SLC11A1: variants seen among roughly 807,000 people sequenced by gnomAD.
SLC11A1 encodes natural resistance-associated macrophage protein 1.
In SLC11A1, 59 loss-of-function variants were observed where a neutral mutation model predicts 63.2. That is an observed-to-expected ratio of 0.93 (90% CI 0.76 to 1.16). The LOEUF is 1.16. Among genes scored for constraint, SLC11A1 ranks in the 50% most tolerant of loss-of-function variants. The probability of loss-of-function intolerance (pLI) is 0.00; values close to 1 mark genes in which losing one functional copy is unlikely to be tolerated. For missense variants in SLC11A1, 688 were observed against 730.7 expected (o/e 0.94, Z 0.67); for synonymous variants, 305 against 307.8 (o/e 0.99, Z 0.09).
At chr2:218,387,379 C>G in intron 6 of SLC11A1, 149 bp downstream of exon 6, 1 of 984,584 alleles carries the variant, frequency 1.0e-6, no homozygotes, top group South Asian at 1.5e-5. Flanking sequence ...ACGTGCCTCT[C>G]TTCACCTGTA....
chr2:218,387,011 C>A, intron 5 of SLC11A1, 149 bp from the exon 6 acceptor site: 1 of 749,558 alleles, frequency 1.3e-6, no homozygotes, highest in Non-Finnish European at 2.3e-6. Context: ...CTGTTCTATG[C>A]CACACTCCCA....
intron 1 of SLC11A1, 96 bp from the exon 2 acceptor site, chr2:218,382,864 A>G: frequency 6.6e-7 from 1 of 1,524,822 alleles, no homozygotes; most frequent in Admixed American, 1.8e-5. Context: ...TAGTTTCTCC[A>G]CTTTTCCGGG....
chr2:218,394,290 T>C, intron 13 of SLC11A1, 97 bp downstream of exon 13: 2 of 1,282,324 alleles, frequency 1.6e-6, no homozygotes, highest in Non-Finnish European at 2.2e-6. Flanking sequence ...ATTATCCCAA[T>C]GAAGCCACAG....
At position 218,384,312 on chromosome 2, in the gene SLC11A1, G is replaced by C. The variant is rs778334000; in HGVS notation, c.220G>C (p.Asp74His). Residue 74 changes from aspartate to histidine, a missense_variant, in exon 3 of 15, where the codon GAC becomes CAC. Asp to His is a moderately conservative substitution (Grantham distance 81, BLOSUM62 -1). Transcript: ENST00000233202. This position sits in a 1 kb window ranked among gnomAD's most constrained non-coding sequence, Gnocchi z 4.0. ...PGFLMSIAFL[D>H]PGNIESDLQA... ...CTTCCTCATGAGCATTGCTTTCCTGGACCCAGGAAACATCGAGTCAGATCT... is the reference window on the plus strand; with the variant it reads ...CTTCCTCATGAGCATTGCTTTCCTGCACCCAGGAAACATCGAGTCAGATCT... The C allele has an allele frequency of 1.2e-6, 2 of 1,608,782 alleles. No homozygotes were observed. Among genetic ancestry groups the C allele is most frequent in the South Asian group, 2.2e-5 (2 of 90,572 alleles).
At position 218,395,818 on chromosome 2, in the gene SLC11A1, AG is replaced by A. The variant is rs1276638693; in HGVS notation, c.*785del. On this transcript the variant is annotated 3_prime_UTR_variant, in exon 15 of 15. Transcript: ENST00000233202. ...AAGGAGCAGGGAATGGGAACCGGGA[AG>A]GCACGAAGTCTCTAAAGCATCCAGA... 2 of 152,362 alleles carry A rather than the reference AG, an allele frequency of 1.3e-5. No homozygotes were observed. Among genetic ancestry groups the A allele is most frequent in the South Asian group, 4.1e-4 (2 of 4,826 alleles). The allele number at this position is 152,362 out of a possible 1,614,324, so 9.4% of individuals were successfully genotyped here. A position where few individuals can be genotyped will look rare whatever the true frequency, so the allele number is the denominator to read the frequency against.
chr2:218,386,854 G>C, intron 5 of SLC11A1, 113 bp downstream of exon 5: 1 of 793,964 alleles, frequency 1.3e-6, no homozygotes, highest in South Asian at 1.5e-5. Flanking sequence ...CCCCTCTGAA[G>C]CAGGGCTGCT....
Position 218,387,181 on chromosome 2 carries a change from C to T in SLC11A1, c.522C>T (p.Val174=), listed in dbSNP as rs139234551. 495 of 1,614,166 alleles carry T rather than the reference C, an allele frequency of 3.1e-4. 1 individual carries two copies. The African/African-American group carries it at 5.9e-3, about 19-fold the overall frequency. The change falls in exon 6 of 15, where the codon GTC becomes GTT. Residue 174 remains valine (V), a synonymous_variant. Transcript: ENST00000233202. ...SAGRIPLWGG[V]LITIVDTFFF... ...TCAGAATCCCACTCTGGGGTGGCGT[C>T]CTCATCACCATCGTGGACACCTTCT...
intron 5 of SLC11A1, 126 bp downstream of exon 5, chr2:218,386,867 CCT>C (rs1465164864): frequency 8.0e-5 from 59 of 738,562 alleles, no homozygotes; most frequent in Admixed American, 5.5e-4. Flanking sequence ...GGGCTGCTGC[CCT>C]GTTTTCCAGA....
Position 218,387,090 on chromosome 2 carries a change from G to C in SLC11A1, c.501-70G>C, listed in dbSNP as rs1399908223. On this transcript the variant is annotated intron_variant, in intron 5 of 14. Transcript: ENST00000233202. Reference sequence around the variant, plus strand: ...CCAGGAGGCCAGATTCCTGTCTCCAGCCCTGAGGCTCCGTAGGAGTTAGAG... The same window carrying C: ...CCAGGAGGCCAGATTCCTGTCTCCACCCCTGAGGCTCCGTAGGAGTTAGAG... The C allele has an allele frequency of 2.1e-6, 3 of 1,428,676 alleles. No individual in the cohort carries two copies. In the East Asian group the frequency reaches 6.8e-5, roughly 32 times the overall value. 88.5% of individuals were successfully genotyped at this position (1,428,676 alleles called of 1,614,324 possible). A position where few individuals can be genotyped will look rare whatever the true frequency, so the allele number is the denominator to read the frequency against.
At position 218,395,196 on chromosome 2, in the gene SLC11A1, T is replaced by G; in HGVS notation, c.*161T>G. On this transcript the variant is annotated 3_prime_UTR_variant, in exon 15 of 15. Transcript: ENST00000233202. ...CTGTTTCCTAGCGCAGCCATGTGAT[T>G]ACCCTCTGGGTCTCAGTGTCCTCAT... The G allele has an allele frequency of 1.6e-6, 1 of 609,948 alleles. No individual in the cohort carries two copies. Among genetic ancestry groups the G allele is most frequent in the Non-Finnish European group, 2.9e-6 (1 of 342,972 alleles). The allele number at this position is 609,948 out of a possible 1,614,324, so 37.8% of individuals were successfully genotyped here. A position where few individuals can be genotyped will look rare whatever the true frequency, so the allele number is the denominator to read the frequency against.
rs763907402 is a variant in SLC11A1 at position 218,391,365 on chromosome 2, C to T, written c.1045-11C>T. ...GCAGGGCCACCGGTCCTACCACACT[C>T]GTCCCTGCAGGGCGTGATCCTGGGC... On this transcript the variant is annotated splice_polypyrimidine_tract_variant and intron_variant, in intron 10 of 14. Coordinates refer to ENST00000233202, the MANE Select transcript of SLC11A1 (RefSeq NM_000578.4). The T allele has an allele frequency of 1.1e-5, 17 of 1,613,830 alleles. No individual in the cohort carries two copies. In the East Asian group the frequency reaches 2.5e-4, roughly 23 times the overall value.
chr2:218,396,574 G>T lies in SLC11A1; in HGVS notation c.*1539G>T, dbSNP rs1484977456. 1 of 152,432 alleles carries T rather than the reference G, an allele frequency of 6.6e-6. No individual in the cohort carries two copies. Among genetic ancestry groups the T allele is most frequent in the African/African-American group, 2.4e-5 (1 of 41,466 alleles). The allele number at this position is 152,432 out of a possible 1,614,324, so 9.4% of individuals were successfully genotyped here. A position where few individuals can be genotyped will look rare whatever the true frequency, so the allele number is the denominator to read the frequency against. ...TTCTTAAAAGGGCAACGATGCGAGT[G>T]GGTCCCTCAAGGAGAGAAGAGATGG... is the stretch of plus-strand genomic sequence containing the variant. On this transcript the variant is annotated 3_prime_UTR_variant, in exon 15 of 15. Coordinates refer to ENST00000233202, the MANE Select transcript of SLC11A1 (RefSeq NM_000578.4).
rs758358977 is a variant in SLC11A1, at chr2:218,395,073, C to G, written c.*38C>G. ...GCCTGGCTGGGAGTGGCATGTATGA[C>G]GTGACTGGCCTGCTGGATGTGGAGG... On this transcript the variant is annotated 3_prime_UTR_variant, in exon 15 of 15. Transcript: ENST00000233202. The G allele has an allele frequency of 2.0e-6, 3 of 1,467,816 alleles. No homozygotes were observed. Among genetic ancestry groups the G allele is most frequent in the Non-Finnish European group, 2.8e-6 (3 of 1,071,626 alleles). 90.9% of individuals were successfully genotyped at this position (1,467,816 alleles called of 1,614,324 possible). A position where few individuals can be genotyped will look rare whatever the true frequency, so the allele number is the denominator to read the frequency against.
rs1483662245 is a variant in SLC11A1 at position 218,395,920 on chromosome 2, C to G, written c.*885C>G. The G allele has an allele frequency of 1.3e-5, 2 of 152,510 alleles. No homozygotes were observed. The highest frequency in any genetic ancestry group is 4.8e-5 in the African/African-American group (2 of 41,462). 9.4% of individuals were successfully genotyped at this position (152,510 alleles called of 1,614,324 possible). ...TTCCGCCTGCAACCCATTTTCCAGA[C>G]AGTAAAACGGCGGCGCACTTCTTTC... On this transcript the variant is annotated 3_prime_UTR_variant, in exon 15 of 15. Coordinates refer to ENST00000233202, the MANE Select transcript of SLC11A1 (RefSeq NM_000578.4).
chr2:218,386,653 T>C lies in SLC11A1; in HGVS notation c.412T>C (p.Trp138Arg). 2 of 1,613,918 alleles carry C rather than the reference T, an allele frequency of 1.2e-6. No homozygotes were observed. Among genetic ancestry groups the C allele is most frequent in the East Asian group, 4.5e-5 (2 of 44,866 alleles). Residue 138 changes from tryptophan to arginine, a missense_variant, in exon 5 of 15, where the codon TGG (tryptophan) becomes CGG (arginine). Coordinates refer to ENST00000233202, the MANE Select transcript of SLC11A1 (RefSeq NM_000578.4). ...CCCATAGGTGCCCCGCACCGTCCTC[T>C]GGCTGACCATCGAGCTAGCCATTGT... is the stretch of plus-strand genomic sequence containing the variant. ...YYPKVPRTVL[W>R]LTIELAIVGS...
chr2:218,393,016 T>C lies in SLC11A1; in HGVS notation c.1200T>C (p.Arg400=), dbSNP rs1481470917. The C allele has an allele frequency of 2.1e-5, 34 of 1,598,380 alleles. No homozygotes were observed. The highest frequency in any genetic ancestry group is 2.9e-5 in the Non-Finnish European group (34 of 1,175,556). ...FLRLRWSRFA[R]VLLTRSCAIL... Reference sequence around the variant, plus strand: ...GGCTGCGGTGGTCACGCTTCGCCCGTGTCCTCCTCACCCGCTCCTGCGCCA... The same window carrying C: ...GGCTGCGGTGGTCACGCTTCGCCCGCGTCCTCCTCACCCGCTCCTGCGCCA... The change falls in exon 12 of 15, where the codon CGT becomes CGC. Residue 400 remains arginine, a synonymous_variant. Transcript: ENST00000233202.
intron 5 of SLC11A1, 54 bp downstream of exon 5, chr2:218,386,795 T>C: frequency 1.5e-6 from 2 of 1,334,372 alleles, no homozygotes; most frequent in South Asian, 2.4e-5. Context: ...CAGCTGCTGC[T>C]ACTTCCCCCC....
In SLC11A1 at chr2:218,396,775, G is replaced by GC. The variant is rs999654108; in HGVS notation, c.*1745dup. On this transcript the variant is annotated 3_prime_UTR_variant, in exon 15 of 15. Coordinates refer to ENST00000233202, the MANE Select transcript of SLC11A1 (RefSeq NM_000578.4). ...CCAGATCCTTTAGCCTCCTGGAAGTGCCCCCGTTGTACCCCCTACACACCC... is the reference window on the plus strand; with the variant it reads ...CCAGATCCTTTAGCCTCCTGGAAGTGCCCCCCGTTGTACCCCCTACACACCC... 1 of 152,612 alleles carries GC rather than the reference G, an allele frequency of 6.6e-6. No individual in the cohort carries two copies. Among genetic ancestry groups the GC allele is most frequent in the Non-Finnish European group, 1.5e-5 (1 of 68,296 alleles). 9.5% of individuals were successfully genotyped at this position (152,612 alleles called of 1,614,324 possible).
chr2:218,392,870 A>G (rs1696530834), intron 11 of SLC11A1, 111 bp from the exon 12 acceptor site: 1 of 887,076 alleles, frequency 1.1e-6, no homozygotes, highest in Non-Finnish European at 1.6e-6. Context: ...TCAACAGTGG[A>G]AAAACAGAGC....
Sources: allele counts gnomAD v4.1 joint callset, GRCh38; gene constraint gnomAD v4.1.1; non-coding constraint Gnocchi (gnomAD v3.1); transcripts MANE v1.5; gene names NCBI Gene and HGNC (gene_info 2026-07-23, HGNC 2026-07-21).